The following ABHD3 variants were observed in gnomAD, a reference collection of about 807,000 sequenced individuals.
ABHD3 encodes phospholipase ABHD3.
A neutral mutation model predicts 48.8 loss-of-function variants in ABHD3; 46 were observed. The ratio of observed to expected loss-of-function variants is 0.94; its 90% CI spans 0.74 to 1.20. ABHD3 has a LOEUF of 1.20. Ranked by LOEUF, ABHD3 falls within the 50% of genes most tolerant of loss-of-function variation. The pLI is 0.00. For missense variants in ABHD3, 490 were observed against 497.8 expected, an observed-to-expected ratio of 0.98 and a Z score of 0.15; for synonymous variants, 192 against 183.7, an observed-to-expected ratio of 1.04 and a Z score of -0.36.
At chr18:21,699,836 C>T (rs1283574903) in intron 3 of ABHD3, among the ~76,000 whole-genome samples, 1 of 152,000 alleles carries the variant, frequency 6.6e-6, no homozygotes, top group Non-Finnish European at 1.5e-5. Context: ...CGCTGCCATG[C>T]CTGGCTAATT....
At chr18:21,653,180 G>T (rs1460259816) in intron 8 of ABHD3, among the ~76,000 whole-genome samples, 1 of 139,898 alleles carries the variant, frequency 7.1e-6, no homozygotes, top group African/African-American at 2.7e-5. Flanking sequence ...TGGCCAACAT[G>T]GTGAAACCCC....
chr18:21,678,188 CAA>C (rs1367400060), intron 4 of ABHD3, among the ~76,000 whole-genome samples: 1 of 151,996 alleles, frequency 6.6e-6, no homozygotes, highest in Non-Finnish European at 1.5e-5. Flanking sequence ...CTCCTGGACT[CAA>C]GTGATCCTCC....
At chr18:21,652,398 CGAAA>C (rs905674132) in intron 8 of ABHD3, among the ~76,000 whole-genome samples, 2 of 145,802 alleles carry the variant, frequency 1.4e-5, no homozygotes, top group African/African-American at 2.5e-5. Flanking sequence ...AAATAAAGAA[CGAAA>C]GAAAGAGAAA....
chr18:21,697,034 C>T (rs1003686572), intron 3 of ABHD3, among the ~76,000 whole-genome samples: 2 of 151,480 alleles, frequency 1.3e-5, no homozygotes, highest in Non-Finnish European at 2.9e-5. Context: ...AGGTTATCTT[C>T]ATGTAGGCAG....
In ABHD3 at chr18:21,704,675, G is replaced by C. The variant is rs781603065; in HGVS notation, c.-10C>G. ...TGGCCAGGCGCTGCATGGCCCCCGA[G>C]CGCGGCGCGCGGGTCCTGCGGCGGG... On this transcript the variant is annotated 5_prime_UTR_variant, in exon 1 of 9. Transcript: ENST00000289119. The C allele has an allele frequency of 5.4e-6, 8 of 1,468,006 alleles. No homozygotes were observed. The East Asian group carries it at 2.0e-4, about 36-fold the overall frequency. The allele number at this position is 1,468,006 out of a possible 1,614,324, so 90.9% of individuals were successfully genotyped here. A position where few individuals can be genotyped will look rare whatever the true frequency, so the allele number is the denominator to read the frequency against.
chr18:21,658,026 C>T (rs2146281669), intron 6 of ABHD3, among the ~76,000 whole-genome samples: 1 of 151,878 alleles, frequency 6.6e-6, no homozygotes, highest in South Asian at 2.1e-4. Context: ...GGCAAAACCT[C>T]ATCTCTGCAA....
chr18:21,702,972 G>A (rs1195792118), intron 2 of ABHD3, among the ~76,000 whole-genome samples: 1 of 152,136 alleles, frequency 6.6e-6, no homozygotes, highest in Non-Finnish European at 1.5e-5. Flanking sequence ...TAGTATTCAT[G>A]AACTTACAGA....
intron 3 of ABHD3, among the ~76,000 whole-genome samples, chr18:21,692,416 C>CT (rs1343193140): frequency 6.6e-6 from 1 of 152,106 alleles, no homozygotes; most frequent in Non-Finnish European, 1.5e-5. Flanking sequence ...GGCATGGGGC[C>CT]TATCATGTGG....
At chr18:21,697,789 C>T (rs1292984705) in intron 3 of ABHD3, among the ~76,000 whole-genome samples, 5 of 152,120 alleles carry the variant, frequency 3.3e-5, no homozygotes, top group African/African-American at 1.2e-4. Context: ...AATTAGTGCA[C>T]CTTAACAGAA....
In ABHD3 at chr18:21,659,298, A is replaced by G. The variant is rs1413884048; in HGVS notation, c.714T>C (p.Pro238=). ...NYLGKIGSKT[P]LMAAATFSVG... Reference sequence around the variant, plus strand: ...CGGAAAAAGTTGCAGCTGCCATCAAAGGCGTTTTGGACCCAATTTTGCCCA... The same window carrying G: ...CGGAAAAAGTTGCAGCTGCCATCAAGGGCGTTTTGGACCCAATTTTGCCCA... The change falls in exon 6 of 9, where the codon CCT becomes CCC. Residue 238 remains proline, a synonymous_variant. Coordinates refer to ENST00000289119, the MANE Select transcript of ABHD3 (RefSeq NM_138340.5). 6.2e-7 allele frequency: 1 copy of G among 1,613,534 alleles called. No homozygotes were observed. Among genetic ancestry groups the G allele is most frequent in the Non-Finnish European group, 8.5e-7 (1 of 1,179,874 alleles).
Position 21,653,077 on chromosome 18 carries a change from A to AAAG in ABHD3, c.1058-1315_1058-1314insCTT, listed in dbSNP as rs2039263699. On this transcript the variant is annotated intron_variant, in intron 8 of 8. Transcript: ENST00000289119. Reference sequence around the variant, plus strand: ...CAAAAAAAAAAAAAAAAAAAAAAAAAAAAGAGCTGGGTGTGGTGGCTCACG... The same window carrying AAAG: ...CAAAAAAAAAAAAAAAAAAAAAAAAAAAGAAAGAGCTGGGTGTGGTGGCTCACG... Among the ~76,000 whole-genome samples, 5 of 76,156 alleles carry AAAG rather than the reference A, an allele frequency of 6.6e-5. 1 individual carries two copies. The highest frequency in any genetic ancestry group is 9.1e-5 in the Non-Finnish European group (4 of 44,166). The allele number at this position is 76,156 out of a possible 152,430, so 50.0% of individuals were successfully genotyped here. A position where few individuals can be genotyped will look rare whatever the true frequency, so the allele number is the denominator to read the frequency against.
At chr18:21,686,695 A>T (rs747356510) in intron 3 of ABHD3, among the ~76,000 whole-genome samples, 2 of 152,168 alleles carry the variant, frequency 1.3e-5, no homozygotes, top group African/African-American at 4.8e-5. Context: ...AAAGCCTTGG[A>T]CGTGGGGCAG....
In ABHD3 at chr18:21,657,089, A is replaced by C; in HGVS notation, c.891+15T>G. 1.9e-6 allele frequency: 3 copies of C among 1,613,916 alleles called. No homozygotes were observed. The highest frequency in any genetic ancestry group is 2.5e-6 in the Non-Finnish European group (3 of 1,179,948). On this transcript the variant is annotated intron_variant, in intron 7 of 8. Coordinates refer to ENST00000289119, the MANE Select transcript of ABHD3 (RefSeq NM_138340.5). ...AAAGAAGAAATAAAAGTATTACATA[A>C]AGTTTCTCTCCTACCTTCATGACAT...
chr18:21,704,723 G>C lies in ABHD3; in HGVS notation c.-58C>G, dbSNP rs1233902048. ...GGGAGGAGAGCCGGCTGGCGAGCGG[G>C]CGAGAGCGGGCGAGAGCGGACGCGG... On this transcript the variant is annotated 5_prime_UTR_variant, in exon 1 of 9. Coordinates refer to ENST00000289119, the MANE Select transcript of ABHD3 (RefSeq NM_138340.5). 7.7e-7 allele frequency: 1 copy of C among 1,297,630 alleles called. No individual in the cohort carries two copies. The highest frequency in any genetic ancestry group is 9.9e-7 in the Non-Finnish European group (1 of 1,011,540). 80.4% of individuals were successfully genotyped at this position (1,297,630 alleles called of 1,614,324 possible). A position where few individuals can be genotyped will look rare whatever the true frequency, so the allele number is the denominator to read the frequency against.
intron 4 of ABHD3, chr18:21,673,557 GTGCTGGGAT>G (rs2039805032): frequency 1.3e-5 from 2 of 152,050 alleles, no homozygotes; most frequent in African/African-American, 4.8e-5. Context: ...GCCTCCTAAA[GTGCTGGGAT>G]TGCAGGCGTG....
intron 8 of ABHD3, among the ~76,000 whole-genome samples, chr18:21,653,750 A>G (rs7228370): frequency 0.022 from 3,408 of 151,834 alleles, 148 homozygotes; most frequent in African/African-American, 0.079. Context: ...AAAAAAAAAA[A>G]AAAAAGCCTT....
intron 8 of ABHD3, among the ~76,000 whole-genome samples, chr18:21,652,477 AAAAG>A (rs527609538): frequency 6.0e-4 from 91 of 152,256 alleles, no homozygotes; most frequent in African/African-American, 1.6e-3. Flanking sequence ...AGAGAAAGAA[AAAAG>A]AAAGAAAGAG....
intron 4 of ABHD3, among the ~76,000 whole-genome samples, chr18:21,679,717 G>C (rs2039964664): frequency 6.6e-6 from 1 of 151,962 alleles, no homozygotes; most frequent in African/African-American, 2.4e-5. Flanking sequence ...AGTAGAGACA[G>C]AATTTCGCCA....
At chr18:21,698,730 C>T (rs191769300) in intron 3 of ABHD3, among the ~76,000 whole-genome samples, 150 of 151,942 alleles carry the variant, frequency 9.9e-4, no homozygotes, top group South Asian at 5.2e-3. Flanking sequence ...GTGTCCACCA[C>T]CACATCCAGC....
Sources: allele counts gnomAD v4.1 joint callset (sites outside exome capture counted in the v4.1 genomes callset), GRCh38; gene constraint gnomAD v4.1.1; transcripts MANE v1.5; gene names NCBI Gene and HGNC (gene_info 2026-07-23, HGNC 2026-07-21).